RANBP2: variants seen among roughly 807,000 people sequenced by gnomAD.
The protein encoded by RANBP2 is RAN binding protein 2.
RANBP2 carries 57 observed loss-of-function variants against 303.6 expected under a neutral mutation model. The observed-to-expected ratio is 0.19, with a 90% CI of 0.15 to 0.23. The LOEUF is 0.23. RANBP2 is among the 10% of genes least tolerant of loss of function. RANBP2 has a pLI of 1.00. For missense variants in RANBP2, 3,138 were observed against 3,780.8 expected (o/e 0.83, Z 4.46); for synonymous variants, 1,167 against 1,301.5 (o/e 0.90, Z 2.23).
the RANBP2 span, among the ~76,000 whole-genome samples, chr2:108,954,242 C>T: frequency 5.0e-4 from 76 of 152,238 alleles, 1 homozygote; most frequent in African/African-American, 1.8e-3. Context: ...GATCCTGTTC[C>T]GGAGACCAGC....
chr2:109,670,676 T>C, the RANBP2 span, among the ~76,000 whole-genome samples: 1 of 152,222 alleles, frequency 6.6e-6, no homozygotes, highest in East Asian at 1.9e-4. Context: ...AGCATTTCCA[T>C]GGGAATCCTG....
the RANBP2 span, among the ~76,000 whole-genome samples, chr2:109,353,827 AG>A: frequency 2.6e-5 from 4 of 152,128 alleles, no homozygotes; most frequent in African/African-American, 9.7e-5. Context: ...GCCGGCAGTG[AG>A]AGGGTGTGAT....
chr2:109,449,423 C>T, the RANBP2 span: 41 of 1,613,752 alleles, frequency 2.5e-5, no homozygotes, highest in African/African-American at 4.3e-4. Context: ...GGGGGCCCAT[C>T]GGTGTTCTGT....
chr2:109,472,787 A>T, the RANBP2 span, among the ~76,000 whole-genome samples: 1 of 152,164 alleles, frequency 6.6e-6, no homozygotes, highest in Admixed American at 6.5e-5. Context: ...TGTCCTACAG[A>T]AAGCCAGCCA....
the RANBP2 span, among the ~76,000 whole-genome samples, chr2:109,730,945 T>A: frequency 5.9e-5 from 9 of 151,906 alleles, no homozygotes; most frequent in South Asian, 1.9e-3. Context: ...TGCACCACCA[T>A]GCCCAGCTAA....
At chr2:108,789,783 G>C (rs1467576898), downstream of RANBP2, among the ~76,000 whole-genome samples, 1 of 152,084 alleles carries the variant, frequency 6.6e-6, no homozygotes, top group Non-Finnish European at 1.5e-5. Flanking sequence ...AGAAGTTGCC[G>C]TTCTGTAAGG....
intron 1 of RANBP2, among the ~76,000 whole-genome samples, chr2:108,720,903 G>C (rs545897087): frequency 2.0e-3 from 298 of 152,260 alleles, no homozygotes; most frequent in Non-Finnish European, 3.6e-3. Context: ...AAAAAAGTTA[G>C]CCGGGCGTGG....
the RANBP2 span, among the ~76,000 whole-genome samples, chr2:108,984,560 C>T: frequency 0.94 from 143,009 of 152,100 alleles, 67,843 homozygotes; most frequent in East Asian, 1. Context: ...CACCCCAGGG[C>T]CTCCTTTCTT....
the RANBP2 span, chr2:108,929,322 T>C: frequency 6.2e-7 from 1 of 1,613,912 alleles, no homozygotes; most frequent in Non-Finnish European, 8.5e-7. Context: ...TTGGAAAACT[T>C]CTCCGCCGGG....
chr2:109,138,914 C>T, the RANBP2 span, among the ~76,000 whole-genome samples: 1 of 152,204 alleles, frequency 6.6e-6, no homozygotes, highest in African/African-American at 2.4e-5. Flanking sequence ...GGCCTTTCTG[C>T]AACTGACCAT....
At chr2:109,010,886 G>C in the RANBP2 span, among the ~76,000 whole-genome samples, 37 of 152,350 alleles carry the variant, frequency 2.4e-4, no homozygotes, top group East Asian at 6.2e-3. Flanking sequence ...CAGAGGCCCG[G>C]CTGCTACAGG....
At chr2:108,757,116 G>A (rs935770557) in intron 17 of RANBP2, among the ~76,000 whole-genome samples, 1 of 152,100 alleles carries the variant, frequency 6.6e-6, no homozygotes, top group East Asian at 1.9e-4. Flanking sequence ...AGAACTGGTC[G>A]GATTCCTGGG....
chr2:109,603,225 AT>A, the RANBP2 span, among the ~76,000 whole-genome samples: 1 of 152,028 alleles, frequency 6.6e-6, no homozygotes, highest in Non-Finnish European at 1.5e-5. Context: ...TGTTATTATT[AT>A]CATTATTAAT....
chr2:109,362,670 G>C, the RANBP2 span, among the ~76,000 whole-genome samples: 1 of 152,144 alleles, frequency 6.6e-6, no homozygotes, highest in African/African-American at 2.4e-5. Context: ...TGATTCAGGG[G>C]TGTTAAAGTC....
intron 6 of RANBP2, among the ~76,000 whole-genome samples, chr2:108,740,151 A>G (rs1573730988): frequency 6.6e-6 from 1 of 152,248 alleles, no homozygotes; most frequent in South Asian, 2.1e-4. Flanking sequence ...ATGAAATTAT[A>G]TGATCAGGAA....
At chr2:109,111,858 C>A in the RANBP2 span, among the ~76,000 whole-genome samples, 1 of 150,126 alleles carries the variant, frequency 6.7e-6, no homozygotes, top group African/African-American at 2.5e-5. Flanking sequence ...GTTCAGTTCC[C>A]ACCTATGAGT....
At chr2:109,095,660 T>C in the RANBP2 span, among the ~76,000 whole-genome samples, 2,018 of 152,294 alleles carry the variant, frequency 0.013, 25 homozygotes, top group South Asian at 0.027. Context: ...TTGGGGCCCA[T>C]GTGTCCAAAC....
chr2:109,189,569 A>C, the RANBP2 span, among the ~76,000 whole-genome samples: 1 of 151,730 alleles, frequency 6.6e-6, no homozygotes, highest in Non-Finnish European at 1.5e-5. Flanking sequence ...GGGTTTCACT[A>C]TATTGGAAAG....
chr2:108,794,721 G>T, the RANBP2 span: 9 of 1,600,980 alleles, frequency 5.6e-6, no homozygotes, highest in Admixed American at 1.3e-4. Context: ...TGAAATTGCA[G>T]GTAAGAACTA....
Sources: allele counts gnomAD v4.1 joint callset (sites outside exome capture counted in the v4.1 genomes callset), GRCh38; gene constraint gnomAD v4.1.1; transcripts MANE v1.5; gene names NCBI Gene and HGNC (gene_info 2026-07-23, HGNC 2026-07-21).